The following SLC35F1 variants were observed in gnomAD, a reference collection of about 807,000 sequenced individuals.
SLC35F1 encodes the protein chromosome 6 open reading frame 169.
In SLC35F1, 14 loss-of-function variants were observed where a neutral mutation model predicts 48.7. That is an observed-to-expected ratio of 0.29 (90% CI 0.19 to 0.45). SLC35F1 has a LOEUF of 0.45. SLC35F1 is among the 20% of genes least tolerant of loss of function. The pLI is 1.00. For missense variants in SLC35F1, 404 were observed against 500.0 expected, an observed-to-expected ratio of 0.81 and a Z score of 1.83; for synonymous variants, 190 against 202.2, an observed-to-expected ratio of 0.94 and a Z score of 0.51.
chr6:118,144,562 C>T (rs1159539570), intron 1 of SLC35F1, among the ~76,000 whole-genome samples: 2 of 142,232 alleles, frequency 1.4e-5, no homozygotes, highest in Non-Finnish European at 3.0e-5. Context: ...CAAACCTGCA[C>T]ATCCTACTCA....
intron 1 of SLC35F1, among the ~76,000 whole-genome samples, chr6:117,947,103 G>A (rs1431368144): frequency 6.6e-6 from 1 of 152,188 alleles, no homozygotes; most frequent in Non-Finnish European, 1.5e-5. Flanking sequence ...TATAAAGTAT[G>A]GAAAGGGTAA....
rs926941918 is a variant in SLC35F1 at position 118,173,571 on chromosome 6, G to A, written c.349+18951G>A. Among the ~76,000 whole-genome samples the A allele has an allele frequency of 5.9e-5, 9 of 152,076 alleles. 1 individual carries two copies. The highest frequency in any genetic ancestry group is 2.0e-4 in the Admixed American group (3 of 15,244). ...GCATGTGATATACCACACACTATAC[G>A]GTAATGCAGGAGAGCTAAAAGCGAT... On this transcript the variant is annotated intron_variant, in intron 2 of 7. Transcript: ENST00000360388.
chr6:118,223,155 T>TA (rs1246918269), intron 2 of SLC35F1, among the ~76,000 whole-genome samples: 1 of 152,216 alleles, frequency 6.6e-6, no homozygotes, highest in African/African-American at 2.4e-5. Context: ...ATAAAAATGT[T>TA]ACTGATTTGT....
At chr6:118,090,529 C>T (rs1475372285) in intron 1 of SLC35F1, among the ~76,000 whole-genome samples, 2 of 152,060 alleles carry the variant, frequency 1.3e-5, no homozygotes, top group Non-Finnish European at 2.9e-5. Flanking sequence ...ATGGAACCAA[C>T]AATATAAATA....
intron 1 of SLC35F1, among the ~76,000 whole-genome samples, chr6:117,957,795 A>G (rs953904069): frequency 6.6e-6 from 1 of 152,254 alleles, no homozygotes; most frequent in African/African-American, 2.4e-5. Context: ...AGTTGCATAA[A>G]AGTATAGCAC....
At chr6:118,075,125 A>G (rs908746173) in intron 1 of SLC35F1, among the ~76,000 whole-genome samples, 9 of 152,166 alleles carry the variant, frequency 5.9e-5, no homozygotes, top group African/African-American at 1.9e-4. Flanking sequence ...TTTAGTGGGA[A>G]TTTTGGATCT....
At chr6:117,991,843 T>A (rs749490919) in intron 1 of SLC35F1, among the ~76,000 whole-genome samples, 2 of 152,180 alleles carry the variant, frequency 1.3e-5, no homozygotes, top group Admixed American at 6.5e-5. Flanking sequence ...GGATACATTT[T>A]CAAAATATAT....
At chr6:117,937,820 C>G (rs888759563) in intron 1 of SLC35F1, among the ~76,000 whole-genome samples, 2 of 152,160 alleles carry the variant, frequency 1.3e-5, no homozygotes, top group African/African-American at 4.8e-5. Flanking sequence ...TAGGATAATT[C>G]CCTGCGAATT....
intron 4 of SLC35F1, among the ~76,000 whole-genome samples, chr6:118,274,129 T>A (rs778754558): frequency 6.6e-6 from 1 of 152,150 alleles, no homozygotes; most frequent in Non-Finnish European, 1.5e-5. Context: ...CTTAGAATCA[T>A]GCTGGAGTAA....
At chr6:118,104,101 T>C (rs1304417141) in intron 1 of SLC35F1, among the ~76,000 whole-genome samples, 1 of 111,454 alleles carries the variant, frequency 9.0e-6, no homozygotes, top group African/African-American at 3.4e-5. Flanking sequence ...TCCCTCCCCT[T>C]CCCTTCCCTT....
chr6:118,011,907 C>A (rs932695790), intron 1 of SLC35F1, among the ~76,000 whole-genome samples: 2 of 152,138 alleles, frequency 1.3e-5, no homozygotes, highest in African/African-American at 4.8e-5. Flanking sequence ...AGACAGATAT[C>A]TTTATTTGTC....
chr6:118,035,709 A>G (rs1367626965), intron 1 of SLC35F1, among the ~76,000 whole-genome samples: 9 of 38,866 alleles, frequency 2.3e-4, no homozygotes, highest in African/African-American at 9.0e-4. Flanking sequence ...TTTTTTTTTG[A>G]GACGGAGTCT....
At chr6:117,909,532 C>A (rs1775737662) in intron 1 of SLC35F1, among the ~76,000 whole-genome samples, 1 of 152,152 alleles carries the variant, frequency 6.6e-6, no homozygotes. Context: ...ATGTTGTCAT[C>A]ATACCTTGGC....
chr6:118,133,653 A>G (rs760759111), intron 1 of SLC35F1, among the ~76,000 whole-genome samples: 2 of 152,180 alleles, frequency 1.3e-5, no homozygotes, highest in East Asian at 1.9e-4. Flanking sequence ...AATAGTTTTG[A>G]ATTTTTTTCT....
At chr6:118,180,070 A>G (rs901369598) in intron 2 of SLC35F1, among the ~76,000 whole-genome samples, 2 of 152,188 alleles carry the variant, frequency 1.3e-5, no homozygotes, top group Admixed American at 6.6e-5. Flanking sequence ...ATAGCAAAAT[A>G]AATAGGAAAA....
chr6:118,044,372 T>C (rs568385807), intron 1 of SLC35F1, among the ~76,000 whole-genome samples: 1 of 152,288 alleles, frequency 6.6e-6, no homozygotes, highest in African/African-American at 2.4e-5. Flanking sequence ...CTTCCTGTGG[T>C]TAAGTAATTT....
At chr6:117,911,436 T>TTCCTTCCTTCCA (rs1478621118) in intron 1 of SLC35F1, among the ~76,000 whole-genome samples, 50 of 112,890 alleles carry the variant, frequency 4.4e-4, no homozygotes, top group African/African-American at 1.7e-3. Context: ...CCTTCCTTCC[T>TTCCTTCCTTCCA]TCCTTCCTTC....
At chr6:118,184,127 T>C (rs552549598) in intron 2 of SLC35F1, among the ~76,000 whole-genome samples, 2 of 152,294 alleles carry the variant, frequency 1.3e-5, no homozygotes, top group Admixed American at 6.5e-5. Flanking sequence ...GATGTTTTCC[T>C]GACAAAGCAC....
At chr6:118,282,575 C>T (rs1207041706) in intron 6 of SLC35F1, among the ~76,000 whole-genome samples, 2 of 152,186 alleles carry the variant, frequency 1.3e-5, no homozygotes, top group Non-Finnish European at 2.9e-5. Context: ...ATTATATATC[C>T]AGCTCCCTAC....
Sources: gnomAD v4.1 joint callset for allele counts (sites outside exome capture counted in the v4.1 genomes callset) on GRCh38, gnomAD v4.1.1 for gene constraint, MANE v1.5 for transcripts, NCBI Gene and HGNC (gene_info 2026-07-23, HGNC 2026-07-21) for gene names.